CEP104: variants seen among roughly 807,000 people sequenced by gnomAD.
The protein encoded by CEP104 is centrosomal protein 104.
Under a neutral mutation model 113.3 loss-of-function variants are expected in CEP104, and 84 were observed. The ratio of observed to expected loss-of-function variants is 0.74; its 90% CI spans 0.62 to 0.89. The LOEUF (loss-of-function observed/expected upper bound fraction) is 0.89, where lower values mean the gene tolerates loss of function less well. CEP104 is among the 40% of genes least tolerant of loss of function. CEP104 has a pLI of 0.00. For synonymous variants in CEP104, 378 were observed against 421.7 expected, an observed-to-expected ratio of 0.90 and a Z score of 1.27; for missense variants, 1,053 against 1,156.6, an observed-to-expected ratio of 0.91 and a Z score of 1.30.
intron 13 of CEP104, among the ~76,000 whole-genome samples, chr1:3,830,606 T>C (rs1317035309): frequency 6.6e-6 from 1 of 151,730 alleles, no homozygotes; most frequent in Non-Finnish European, 1.5e-5. Context: ...ACCCCGTCTC[T>C]ACTAAAATAC....
At chr1:3,835,172 T>C in intron 10 of CEP104, 80 bp from the exon 11 acceptor site, 2 of 1,129,524 alleles carry the variant, frequency 1.8e-6, no homozygotes, top group Non-Finnish European at 1.2e-6. Context: ...TTGTTTTTTT[T>C]TTAACTAAAA....
At chr1:3,829,599 A>G in intron 14 of CEP104, 192 bp downstream of exon 14, 1 of 685,912 alleles carries the variant, frequency 1.5e-6, no homozygotes, top group South Asian at 1.9e-5. Context: ...CTGGGAACCT[A>G]AGGGTCTCAC....
chr1:3,829,761 G>T, intron 14 of CEP104, 30 bp downstream of exon 14: 3 of 1,591,556 alleles, frequency 1.9e-6, no homozygotes, highest in South Asian at 2.2e-5. Context: ...AACACAGGAT[G>T]ACATCACAAC....
intron 10 of CEP104, among the ~76,000 whole-genome samples, chr1:3,835,904 T>A (rs114962915): frequency 2.0e-5 from 3 of 151,812 alleles, no homozygotes; most frequent in Admixed American, 6.6e-5. Flanking sequence ...TGTTTGTAAT[T>A]CCAGCACTTT....
At chr1:3,824,679 G>A (rs1173337530) in intron 18 of CEP104, among the ~76,000 whole-genome samples, 2 of 152,208 alleles carry the variant, frequency 1.3e-5, no homozygotes, top group Non-Finnish European at 2.9e-5. Flanking sequence ...TGAGAAACCA[G>A]GTGCTTTGCA....
chr1:3,833,283 C>T (rs572775398), intron 12 of CEP104, among the ~76,000 whole-genome samples: 4 of 152,234 alleles, frequency 2.6e-5, no homozygotes, highest in African/African-American at 7.2e-5. Context: ...CCAGTCTGGC[C>T]TGGATTCTTT....
chr1:3,842,689 G>T (rs1164706119), intron 6 of CEP104, among the ~76,000 whole-genome samples: 1 of 152,244 alleles, frequency 6.6e-6, no homozygotes, highest in Non-Finnish European at 1.5e-5. Context: ...GGACAAATTT[G>T]AAATTTCTAT....
At chr1:3,854,870 A>ATTTTT (rs36065862) in intron 1 of CEP104, among the ~76,000 whole-genome samples, 1 of 122,964 alleles carries the variant, frequency 8.1e-6, no homozygotes, top group Non-Finnish European at 1.6e-5. Context: ...CAGTCTCCAA[A>ATTTTT]TTTTTTTTTT....
At chr1:3,841,880 C>A (rs1038769425) in intron 6 of CEP104, among the ~76,000 whole-genome samples, 3 of 152,190 alleles carry the variant, frequency 2.0e-5, no homozygotes, top group Non-Finnish European at 4.4e-5. Flanking sequence ...GTTGTTCCTG[C>A]CCTACTGCAC....
At chr1:3,824,305 T>C (rs1049484192) in intron 18 of CEP104, among the ~76,000 whole-genome samples, 1 of 152,158 alleles carries the variant, frequency 6.6e-6, no homozygotes, top group Non-Finnish European at 1.5e-5. Context: ...AGGCTGGTCT[T>C]GAACTCCTGA....
Position 3,843,768 on chromosome 1 carries a change from G to GT in CEP104, c.566+1138dup, listed in dbSNP as rs982338425. 6.6e-3 allele frequency among the ~76,000 whole-genome samples: 971 copies of GT among 147,326 alleles called. 12 individuals carry two copies. The highest frequency in any genetic ancestry group is 0.021 in the African/African-American group (840 of 40,322). ...GAGATTGGTAAAAATTGTGGTGTGTGTTTTTTTTTTTGAGATGGAGTCTTG... is the reference window on the plus strand; with the variant it reads ...GAGATTGGTAAAAATTGTGGTGTGTGTTTTTTTTTTTTGAGATGGAGTCTTG... On this transcript the variant is annotated intron_variant, in intron 6 of 21. Coordinates refer to ENST00000378230, the MANE Select transcript of CEP104 (RefSeq NM_014704.4).
chr1:3,832,537 C>T lies in CEP104; in HGVS notation c.1660-1315G>A, dbSNP rs1054921140. Among the ~76,000 whole-genome samples, 17 of 99,928 alleles carry T rather than the reference C, an allele frequency of 1.7e-4. 2 individuals carry two copies. In the Admixed American group the frequency reaches 2.0e-3, roughly 12 times the overall value. The allele number at this position is 99,928 out of a possible 152,430, so 65.6% of individuals were successfully genotyped here. On this transcript the variant is annotated intron_variant, in intron 12 of 21. Coordinates refer to ENST00000378230, the MANE Select transcript of CEP104 (RefSeq NM_014704.4). Reference sequence around the variant, plus strand: ...TCGTGACCAGGAGTGTAGTGTAGGTCATAACCAGGAGTGTAGTGTAGCACA... The same window carrying T: ...TCGTGACCAGGAGTGTAGTGTAGGTTATAACCAGGAGTGTAGTGTAGCACA...
intron 12 of CEP104, among the ~76,000 whole-genome samples, chr1:3,832,413 AGGTCCTGACCAGGAGTGTAGCG>A (rs1644229795): frequency 1.4e-5 from 1 of 69,716 alleles, no homozygotes; most frequent in Non-Finnish European, 3.7e-5. Flanking sequence ...AGTGTAGCGT[AGGTCCTGACCAGGAGTGTAGCG>A]TAGGTCGTGA....
rs181169763 is a variant in CEP104, at chr1:3,827,718, C to T, written c.2152-974G>A. The stretch of plus-strand genomic sequence containing the variant: ...AAATCCATCCCATCCCGTCATTCTC[C>T]TGGGAGAGGCCTTCACCAGGCCCTG... On this transcript the variant is annotated intron_variant, in intron 15 of 21. Transcript: ENST00000378230. 3.2e-3 allele frequency among the ~76,000 whole-genome samples: 492 copies of T among 152,354 alleles called. 10 individuals carry two copies. Among genetic ancestry groups the T allele is most frequent in the Admixed American group, 0.023 (347 of 15,312 alleles).
chr1:3,841,570 C>G (rs1412518156), intron 6 of CEP104, among the ~76,000 whole-genome samples: 1 of 152,224 alleles, frequency 6.6e-6, no homozygotes, highest in East Asian at 1.9e-4. Context: ...GGTACCCAGT[C>G]CCAGCTCCTG....
At chr1:3,836,005 T>A (rs1570808523) in intron 10 of CEP104, among the ~76,000 whole-genome samples, 6 of 142,108 alleles carry the variant, frequency 4.2e-5, no homozygotes, top group Non-Finnish European at 6.1e-5. Context: ...CTCTGTTTCA[T>A]AAAAAAAAAA....
intron 8 of CEP104, among the ~76,000 whole-genome samples, chr1:3,837,885 T>C (rs1459386070): frequency 6.6e-6 from 1 of 152,260 alleles, no homozygotes; most frequent in Non-Finnish European, 1.5e-5. Flanking sequence ...AGTGGACTTT[T>C]ATTCAAAATC....
intron 1 of CEP104, among the ~76,000 whole-genome samples, chr1:3,853,408 A>G (rs563523464): frequency 0.014 from 2,188 of 150,966 alleles, 40 homozygotes; most frequent in South Asian, 0.073. Context: ...ATCGGGGGAA[A>G]AAAAAAAAGG....
intron 5 of CEP104, 56 bp downstream of exon 5, chr1:3,845,233 T>A: frequency 8.4e-6 from 10 of 1,188,906 alleles, no homozygotes; most frequent in Non-Finnish European, 1.2e-5. Context: ...AATAAATGAC[T>A]CCCTCCCATT....
Sources: allele counts gnomAD v4.1 joint callset (sites outside exome capture counted in the v4.1 genomes callset), GRCh38; gene constraint gnomAD v4.1.1; transcripts MANE v1.5; gene names NCBI Gene and HGNC (gene_info 2026-07-23, HGNC 2026-07-21).